Variants in HPSE2 observed in about 807,000 individuals in gnomAD.
HPSE2 encodes the protein inactive heparanase-2.
Under a neutral mutation model 60.5 loss-of-function variants are expected in HPSE2, and 38 were observed. The ratio of observed to expected loss-of-function variants is 0.63; its 90% confidence interval spans 0.48 to 0.82. HPSE2 has a LOEUF of 0.82. HPSE2 is among the 40% of genes least tolerant of loss of function. HPSE2 has a pLI of 0.00. For missense variants in HPSE2, 713 were observed against 740.4 expected, an observed-to-expected ratio of 0.96 and a Z score of 0.43; for synonymous variants, 295 against 293.2, an observed-to-expected ratio of 1.01 and a Z score of -0.06.
chr10:98,889,585 A>C (rs1953275239), intron 3 of HPSE2, among the ~76,000 whole-genome samples: 1 of 152,200 alleles, frequency 6.6e-6, no homozygotes, highest in African/African-American at 2.4e-5. Context: ...AAATGAGAGC[A>C]AGAAAAAGCA....
At chr10:99,095,629 C>A (rs1843694361) in intron 3 of HPSE2, among the ~76,000 whole-genome samples, 1 of 152,174 alleles carries the variant, frequency 6.6e-6, no homozygotes, top group Admixed American at 6.5e-5. Context: ...CCAGACATCT[C>A]ATATAAATGG....
At chr10:99,020,282 T>C (rs1199214665) in intron 3 of HPSE2, among the ~76,000 whole-genome samples, 1 of 152,114 alleles carries the variant, frequency 6.6e-6, no homozygotes, top group Non-Finnish European at 1.5e-5. Flanking sequence ...AAATATATAA[T>C]TCATAAACTA....
intron 9 of HPSE2, among the ~76,000 whole-genome samples, chr10:98,557,012 C>G (rs935612222): frequency 3.5e-5 from 5 of 142,956 alleles, no homozygotes; most frequent in African/African-American, 1.3e-4. Flanking sequence ...GAGATTGAGA[C>G]CATCCTGGCT....
intron 2 of HPSE2, among the ~76,000 whole-genome samples, chr10:99,227,094 CCAT>C (rs1849497633): frequency 6.6e-6 from 1 of 151,902 alleles, no homozygotes; most frequent in Admixed American, 6.6e-5. Context: ...TGTTCTTACA[CCAT>C]AAGTCTTGAT....
At chr10:98,600,990 T>C (rs1282651416) in intron 9 of HPSE2, among the ~76,000 whole-genome samples, 2 of 143,742 alleles carry the variant, frequency 1.4e-5, no homozygotes, top group East Asian at 4.2e-4. Flanking sequence ...AACAGACAGA[T>C]TGATTTTAAG....
At chr10:99,305,790 A>G in the HPSE2 span, among the ~76,000 whole-genome samples, 3 of 152,110 alleles carry the variant, frequency 2.0e-5, no homozygotes, top group Non-Finnish European at 4.4e-5. Context: ...AAAAGATACA[A>G]AATTTCAACA....
At chr10:99,308,983 A>C in the HPSE2 span, among the ~76,000 whole-genome samples, 1 of 152,224 alleles carries the variant, frequency 6.6e-6, no homozygotes, top group African/African-American at 2.4e-5. Context: ...TCAGCCTCAA[A>C]GAGTATGTTT....
the HPSE2 span, among the ~76,000 whole-genome samples, chr10:99,275,515 G>A: frequency 6.9e-6 from 1 of 145,154 alleles, no homozygotes; most frequent in Non-Finnish European, 1.5e-5. Flanking sequence ...AGACAAACTG[G>A]AACATGTTAT....
In HPSE2 at chr10:98,459,784, G is replaced by T. The variant is rs1271035950; in HGVS notation, c.1614-45C>A. ...TATGGGACTCATTATTGCATTATAA[G>T]GGAGCCACTGCAACAAAGCCTAGCC... On this transcript the variant is annotated intron_variant, in intron 11 of 11. Transcript: ENST00000370552. 9 of 1,563,820 alleles carry T rather than the reference G, an allele frequency of 5.8e-6. No individual in the cohort carries two copies. The African/African-American group carries it at 1.1e-4, about 19-fold the overall frequency.
intron 3 of HPSE2, among the ~76,000 whole-genome samples, chr10:98,868,087 AAAT>A (rs1952639085): frequency 1.8e-4 from 18 of 98,690 alleles, no homozygotes; most frequent in Non-Finnish European, 8.8e-5. Context: ...GAAAATAAAT[AAAT>A]AAATAAATAA....
chr10:99,031,416 A>T (rs1203854639), intron 3 of HPSE2, among the ~76,000 whole-genome samples: 1 of 152,180 alleles, frequency 6.6e-6, no homozygotes, highest in Non-Finnish European at 1.5e-5. Context: ...AATTTTTACT[A>T]GGTCCTAGAG....
intron 5 of HPSE2, among the ~76,000 whole-genome samples, chr10:98,705,220 A>T (rs1397485539): frequency 6.6e-6 from 1 of 152,254 alleles, no homozygotes; most frequent in Non-Finnish European, 1.5e-5. Flanking sequence ...ATCTCACATC[A>T]GTCAGAATGG....
intron 9 of HPSE2, among the ~76,000 whole-genome samples, chr10:98,594,926 G>A (rs1945188562): frequency 1.3e-5 from 2 of 152,092 alleles, no homozygotes; most frequent in Admixed American, 1.3e-4. Context: ...CACCAACAGT[G>A]TGCAAAGGAT....
intron 2 of HPSE2, among the ~76,000 whole-genome samples, chr10:99,217,640 C>T (rs1325238888): frequency 1.3e-5 from 2 of 152,022 alleles, no homozygotes; most frequent in African/African-American, 2.4e-5. Flanking sequence ...GTCATCCAGG[C>T]TGGAGTGCAG....
intron 3 of HPSE2, among the ~76,000 whole-genome samples, chr10:99,064,689 TA>T (rs1055769862): frequency 3.4e-5 from 5 of 148,522 alleles, no homozygotes; most frequent in African/African-American, 1.2e-4. Context: ...TGCCAATTAT[TA>T]AAAAAAAGCA....
chr10:98,467,521 G>T (rs1179732066), intron 11 of HPSE2, among the ~76,000 whole-genome samples: 2 of 152,104 alleles, frequency 1.3e-5, no homozygotes, highest in African/African-American at 4.8e-5. Context: ...AAAGGAGGAG[G>T]GGCAGGGGAG....
intron 3 of HPSE2, among the ~76,000 whole-genome samples, chr10:98,964,406 T>C (rs1042255488): frequency 9.9e-5 from 15 of 152,266 alleles, no homozygotes; most frequent in African/African-American, 3.4e-4. Flanking sequence ...ACAACAGTAA[T>C]TGTCATTGTT....
At chr10:99,019,671 G>A (rs769252899) in intron 3 of HPSE2, among the ~76,000 whole-genome samples, 5 of 151,806 alleles carry the variant, frequency 3.3e-5, no homozygotes, top group South Asian at 4.2e-4. Context: ...CAAATACAAC[G>A]GCAGGTGTAT....
chr10:99,163,513 TTCA>T (rs1846933069), intron 2 of HPSE2, among the ~76,000 whole-genome samples: 1 of 152,216 alleles, frequency 6.6e-6, no homozygotes, highest in Non-Finnish European at 1.5e-5. Context: ...TGTATGGGCT[TTCA>T]TCATATGAAT....
Sources: gnomAD v4.1 joint callset for allele counts (sites outside exome capture counted in the v4.1 genomes callset) on GRCh38, gnomAD v4.1.1 for gene constraint, MANE v1.5 for transcripts, NCBI Gene and HGNC (gene_info 2026-07-23, HGNC 2026-07-21) for gene names.